STRA6: variants seen among roughly 807,000 people sequenced by gnomAD.
The protein encoded by STRA6 is signaling receptor and transporter of retinol STRA6, also known as receptor for retinol uptake STRA6.
Under a neutral mutation model 83.6 loss-of-function variants are expected in STRA6, and 48 were observed. That is an observed-to-expected ratio of 0.57 (90% CI 0.46 to 0.73). The LOEUF (loss-of-function observed/expected upper bound fraction) is 0.73, where lower values mean the gene tolerates loss of function less well. Among genes scored for constraint, STRA6 ranks in the 30% least tolerant of loss-of-function variants. The pLI is 0.00. For synonymous variants in STRA6, 353 were observed against 362.3 expected (o/e 0.97, Z 0.29); for missense variants, 760 against 838.8 (o/e 0.91, Z 1.16).
chr15:74,195,550 G>T, intron 6 of STRA6, 82 bp from the exon 7 acceptor site: 2 of 1,581,610 alleles, frequency 1.3e-6, no homozygotes, highest in Non-Finnish European at 1.7e-6. Flanking sequence ...GCCTCTCTTC[G>T]GTCTCCAGCT....
intron 1 of STRA6, chr15:74,208,129 G>A (rs1260303103): frequency 2.0e-6 from 2 of 1,010,990 alleles, no homozygotes; most frequent in Non-Finnish European, 2.5e-6. Flanking sequence ...GGCTGTGCCA[G>A]GGGAGCAGCA....
chr15:74,194,072 A>C, intron 7 of STRA6, 150 bp from the exon 8 acceptor site: 1 of 1,312,014 alleles, frequency 7.6e-7, no homozygotes, highest in East Asian at 2.5e-5. Context: ...CCAACCTGCC[A>C]CCCAGCGCAA....
chr15:74,194,924 G>C (rs1245294491), intron 7 of STRA6: 1 of 1,421,980 alleles, frequency 7.0e-7, no homozygotes, highest in African/African-American at 1.4e-5. Context: ...CCCTGACTTC[G>C]CACTTGCCGG....
At chr15:74,180,997 G>T in intron 17 of STRA6, 60 bp from the exon 18 acceptor site, 1 of 1,603,628 alleles carries the variant, frequency 6.2e-7, no homozygotes, top group South Asian at 1.1e-5. Context: ...GAGGCATCCA[G>T]ACATCCCCTA....
intron 5 of STRA6, 40 bp downstream of exon 5, chr15:74,195,968 C>T (rs1219523882): frequency 2.5e-6 from 4 of 1,612,554 alleles, no homozygotes; most frequent in East Asian, 2.2e-5. Context: ...CCTACCCCAT[C>T]CCATCACACC....
rs755140109 is a variant in STRA6, at chr15:74,182,465, CA to C, written c.1301-6del. On this transcript the variant is annotated splice_polypyrimidine_tract_variant and splice_region_variant and intron_variant, in intron 14 of 18. Coordinates refer to ENST00000395105, the MANE Select transcript of STRA6 (RefSeq NM_022369.4). ...TGATCTGCTGCACCAGGAGCCCTGC[CA>C]GGGGCGGGAGTGGCAGGGGGACAGA... The C allele has an allele frequency of 6.2e-7, 1 of 1,605,252 alleles. No individual in the cohort carries two copies. The highest frequency in any genetic ancestry group is 8.5e-7 in the Non-Finnish European group (1 of 1,176,056).
intron 2 of STRA6, among the ~76,000 whole-genome samples, chr15:74,198,855 C>T (rs1387193529): frequency 1.3e-5 from 2 of 152,196 alleles, no homozygotes; most frequent in Non-Finnish European, 2.9e-5. Flanking sequence ...CAGAGGTAAA[C>T]CCACAGTGGA....
Position 74,191,266 on chromosome 15 carries a change from G to A in STRA6, c.789-23C>T, listed in dbSNP as rs751360028. 3.7e-6 allele frequency: 6 copies of A among 1,612,922 alleles called. No individual in the cohort carries two copies. In the African/African-American group the frequency reaches 4.0e-5, roughly 11 times the overall value. On this transcript the variant is annotated intron_variant, in intron 9 of 18. Coordinates refer to ENST00000395105, the MANE Select transcript of STRA6 (RefSeq NM_022369.4). ...TAGCTGCAGAAAGACCCAGGCAGGTGCGGGGTCCTCAGGGGAAGCCCATTC... is the reference window on the plus strand; with the variant it reads ...TAGCTGCAGAAAGACCCAGGCAGGTACGGGGTCCTCAGGGGAAGCCCATTC...
chr15:74,206,716 G>A (rs2074269090), upstream of STRA6, among the ~76,000 whole-genome samples: 1 of 152,218 alleles, frequency 6.6e-6, no homozygotes, highest in South Asian at 2.1e-4. Context: ...GGGCCCTGAA[G>A]CCATGGAAGA....
chr15:74,200,722 CA>C (rs1345376026), intron 2 of STRA6, among the ~76,000 whole-genome samples: 4 of 152,216 alleles, frequency 2.6e-5, no homozygotes, highest in African/African-American at 9.6e-5. Context: ...TAGATTCAAA[CA>C]AATCTCTTTA....
intron 7 of STRA6, chr15:74,195,038 T>C: frequency 2.1e-6 from 3 of 1,435,950 alleles, no homozygotes; most frequent in Admixed American, 5.7e-5. Context: ...AGGCTTTCTC[T>C]TCCCCCTACT....
chr15:74,181,313 C>T lies in STRA6; in HGVS notation c.1666G>A (p.Ala556Thr). 6.2e-7 allele frequency: 1 copy of T among 1,611,468 alleles called. No homozygotes were observed. The highest frequency in any genetic ancestry group is 1.7e-4 in the Middle Eastern group (1 of 6,002). ...QMDLSLLPPR[A>T]ATLDPGYYTY... The stretch of plus-strand genomic sequence containing the variant: ...ACCTTACCGGGGTCGAGAGTGGCGG[C>T]TCTCGGTGGCAGCAGGCTGAGGTCC... Residue 556 changes from alanine to threonine, a missense_variant, in exon 17 of 19, where the codon GCC becomes ACC. Transcript: ENST00000395105.
intron 4 of STRA6, 95 bp downstream of exon 4, chr15:74,197,243 G>T: frequency 1.1e-6 from 1 of 870,294 alleles, no homozygotes; most frequent in Non-Finnish European, 1.9e-6. Context: ...TAAAGCCAGA[G>T]CTGCCTTTTA....
At chr15:74,207,597 T>G, upstream of STRA6, 1 of 1,168,308 alleles carries the variant, frequency 8.6e-7, no homozygotes, top group South Asian at 1.4e-5. Context: ...CCCAATAGTT[T>G]ACAATACTCA....
upstream of STRA6, among the ~76,000 whole-genome samples, chr15:74,210,412 A>ATT (rs1175931735): frequency 6.6e-6 from 1 of 152,240 alleles, no homozygotes; most frequent in African/African-American, 2.4e-5. Flanking sequence ...AAGTAACAGT[A>ATT]ACCAAGAAAG....
In STRA6 at chr15:74,193,720, T is replaced by C; in HGVS notation, c.720+80A>G. On this transcript the variant is annotated intron_variant, in intron 8 of 18. Transcript: ENST00000395105. ...CTGGGCCCTACATCAAGCACGGCCA[T>C]GTATCTGGGACCACAGATACGGGGG... 2.5e-6 allele frequency: 4 copies of C among 1,593,964 alleles called. No individual in the cohort carries two copies. In the South Asian group the frequency reaches 4.4e-5, roughly 18 times the overall value.
chr15:74,207,591 A>G (rs748158084), upstream of STRA6: 94 of 1,096,466 alleles, frequency 8.6e-5, no homozygotes, highest in Non-Finnish European at 1.2e-4. Flanking sequence ...AGCAAACCCA[A>G]TAGTTTACAA....
chr15:74,202,990 TTC>T (rs1363831752), upstream of STRA6: 2 of 983,546 alleles, frequency 2.0e-6, no homozygotes, highest in Non-Finnish European at 2.4e-6. Context: ...CGCACCTGAC[TTC>T]ACACACATAC....
At chr15:74,194,805 G>GT in intron 7 of STRA6, 1 of 1,305,732 alleles carries the variant, frequency 7.7e-7, no homozygotes, top group Non-Finnish European at 9.7e-7. Context: ...TCTAAAGCCT[G>GT]TACCATCACT....
Sources: allele counts gnomAD v4.1 joint callset (sites outside exome capture counted in the v4.1 genomes callset), GRCh38; gene constraint gnomAD v4.1.1; transcripts MANE v1.5; gene names NCBI Gene and HGNC (gene_info 2026-07-23, HGNC 2026-07-21).